Variants in DMD observed in about 807,000 individuals in gnomAD.
DMD encodes the protein dystrophin.
Under a neutral mutation model 330.1 loss-of-function variants are expected in DMD, and 63 were observed. The observed-to-expected ratio is 0.19, with a 90% CI of 0.16 to 0.24. The LOEUF (loss-of-function observed/expected upper bound fraction) is 0.24, where lower values mean the gene tolerates loss of function less well. Ranked by LOEUF, DMD falls within the 10% of genes least tolerant of loss-of-function variation. The pLI is 1.00. For synonymous variants in DMD, 1,223 were observed against 959.8 expected, an observed-to-expected ratio of 1.27 and a Z score of -5.07; for missense variants, 3,344 against 2,684.1, an observed-to-expected ratio of 1.25 and a Z score of -5.43.
At chrX:32,374,253 T>C (rs2097892127) in intron 34 of DMD, among the ~76,000 whole-genome samples, 1 of 111,631 alleles carries the variant, frequency 9.0e-6, no homozygotes, top group Admixed American at 9.6e-5. Flanking sequence ...ATTCAGGAGG[T>C]TATCTGTTTA....
chrX:32,439,679 T>A (rs192470888), intron 28 of DMD, among the ~76,000 whole-genome samples: 208 of 111,186 alleles, frequency 1.9e-3, no homozygotes, highest in African/African-American at 6.4e-3. Flanking sequence ...TACGTGGTGA[T>A]CTAGCCCTTT....
At chrX:32,415,279 C>A (rs1275527493) in intron 29 of DMD, among the ~76,000 whole-genome samples, 1 of 112,014 alleles carries the variant, frequency 8.9e-6, no homozygotes. Context: ...ATTCTATGAG[C>A]TGAAAGGAAC....
At chrX:32,552,222 C>T (rs1036020797) in intron 16 of DMD, among the ~76,000 whole-genome samples, 1 of 111,736 alleles carries the variant, frequency 8.9e-6, no homozygotes, top group African/African-American at 3.3e-5. Context: ...TGACTGCAAA[C>T]TATACTACAA....
At chrX:33,076,135 C>A (rs968513655) in intron 1 of DMD, among the ~76,000 whole-genome samples, 30 of 110,791 alleles carry the variant, frequency 2.7e-4, no homozygotes, top group African/African-American at 9.6e-4. Flanking sequence ...TGACCCCCCA[C>A]TCAGGAACTG....
Position 33,008,890 on chromosome X carries a change from G to A in DMD, c.93+11249C>T, listed in dbSNP as rs192826811. The stretch of plus-strand genomic sequence containing the variant: ...CACATACTCATATATGTATATATAC[G>A]TGTATATATACACATACTCATATAT... On this transcript the variant is annotated intron_variant, in intron 2 of 78. Coordinates refer to ENST00000357033, the MANE Select transcript of DMD (RefSeq NM_004006.3). 3.2e-3 allele frequency among the ~76,000 whole-genome samples: 266 copies of A among 82,056 alleles called. 3 individuals carry two copies. Among genetic ancestry groups the A allele is most frequent in the African/African-American group, 0.011 (242 of 22,373 alleles). The allele number at this position is 82,056 out of a possible 115,157, so 71.3% of individuals were successfully genotyped here.
intron 50 of DMD, among the ~76,000 whole-genome samples, chrX:31,810,510 G>T (rs1212236963): frequency 8.9e-6 from 1 of 112,065 alleles, no homozygotes; most frequent in East Asian, 2.8e-4. Context: ...ATAGCAGATT[G>T]GTAGAACTCC....
rs529677654 is a variant in DMD, at chrX:31,963,419, G to A, written c.6614+4920C>T. 4.0e-4 allele frequency among the ~76,000 whole-genome samples: 45 copies of A among 111,689 alleles called. 1 individual carries two copies. In the South Asian group the frequency reaches 0.016, roughly 39 times the overall value. On this transcript the variant is annotated intron_variant, in intron 45 of 78. Transcript: ENST00000357033. ...CCGTACATGAAGTCTCACACAAGAA[G>A]GGCTTTTTAACATGTCTAGACTTAC...
intron 45 of DMD, among the ~76,000 whole-genome samples, chrX:31,935,064 T>C (rs1401534386): frequency 8.9e-6 from 1 of 112,019 alleles, no homozygotes; most frequent in Non-Finnish European, 1.9e-5. Flanking sequence ...GGTGCTCTTC[T>C]GGCCTCTCCA....
chrX:31,482,233 GTGT>G (rs386824599), intron 57 of DMD, among the ~76,000 whole-genome samples: 90 of 92,601 alleles, frequency 9.7e-4, no homozygotes, highest in African/African-American at 3.5e-3. Context: ...GTGTGTGTGT[GTGT>G]GGGGGGGGTG....
chrX:31,510,642 G>T (rs1392269376), intron 55 of DMD, among the ~76,000 whole-genome samples: 2 of 108,268 alleles, frequency 1.8e-5, no homozygotes, highest in Non-Finnish European at 3.8e-5. Context: ...CAAGTAGCTG[G>T]GACTATAGGC....
chrX:32,259,290 C>T (rs907800728), intron 43 of DMD, among the ~76,000 whole-genome samples: 2 of 110,636 alleles, frequency 1.8e-5, no homozygotes, highest in African/African-American at 6.5e-5. Flanking sequence ...TTAGATCAAA[C>T]CCACAAGTGT....
chrX:32,877,436 T>A (rs1260347196), intron 2 of DMD, among the ~76,000 whole-genome samples: 1 of 112,682 alleles, frequency 8.9e-6, no homozygotes, highest in South Asian at 3.6e-4. Flanking sequence ...TATTAGAAAA[T>A]ATTTTTTCTT....
intron 16 of DMD, among the ~76,000 whole-genome samples, chrX:32,560,470 C>T (rs1410174108): frequency 3.6e-5 from 4 of 110,373 alleles, no homozygotes; most frequent in East Asian, 2.8e-4. Context: ...CCAGGGTACA[C>T]GTATTGGATG....
chrX:32,125,563 G>A (rs2096657933), intron 44 of DMD, among the ~76,000 whole-genome samples: 1 of 111,708 alleles, frequency 9.0e-6, no homozygotes, highest in South Asian at 3.8e-4. Context: ...TTTCAGGGCT[G>A]GAGATGTAAA....
chrX:32,906,530 A>G (rs1212334537), intron 2 of DMD, among the ~76,000 whole-genome samples: 5 of 112,241 alleles, frequency 4.5e-5, no homozygotes, highest in Non-Finnish European at 9.4e-5. Context: ...TATTACATGC[A>G]AGAACTAAGA....
intron 7 of DMD, among the ~76,000 whole-genome samples, chrX:32,759,408 C>G (rs1168618852): frequency 9.0e-6 from 1 of 111,679 alleles, no homozygotes; most frequent in Non-Finnish European, 1.9e-5. Flanking sequence ...AGATGCATTT[C>G]TATATTCAAT....
At chrX:31,640,135 T>G (rs1412207280) in intron 54 of DMD, among the ~76,000 whole-genome samples, 2 of 111,755 alleles carry the variant, frequency 1.8e-5, no homozygotes, top group African/African-American at 6.5e-5. Context: ...CAGCCAGCCC[T>G]TGAGTCAGTT....
chrX:33,012,491 T>C (rs16990825), intron 2 of DMD, among the ~76,000 whole-genome samples: 1 of 111,783 alleles, frequency 8.9e-6, no homozygotes, highest in East Asian at 2.8e-4. Context: ...ATAACTCTAC[T>C]GCAAACTAAG....
chrX:32,733,581 A>G (rs2068014018), intron 7 of DMD, among the ~76,000 whole-genome samples: 1 of 111,660 alleles, frequency 9.0e-6, no homozygotes, highest in Non-Finnish European at 1.9e-5. Flanking sequence ...CCACAGTGCA[A>G]TCAAACTAGA....
Sources: gnomAD v4.1 joint callset for allele counts (sites outside exome capture counted in the v4.1 genomes callset) on GRCh38, gnomAD v4.1.1 for gene constraint, MANE v1.5 for transcripts, NCBI Gene and HGNC (gene_info 2026-07-23, HGNC 2026-07-21) for gene names.